The following TTC3 variants were observed in gnomAD, a reference collection of about 807,000 sequenced individuals.
TTC3 encodes tetratricopeptide repeat domain 3, also known as E3 ubiquitin-protein ligase TTC3.
In TTC3, 180 loss-of-function variants were observed where a neutral mutation model predicts 249.6. That is an observed-to-expected ratio of 0.72 (90% CI 0.64 to 0.82). The LOEUF (loss-of-function observed/expected upper bound fraction) is 0.82, where lower values mean the gene tolerates loss of function less well. Ranked by LOEUF, TTC3 falls within the 40% of genes least tolerant of loss-of-function variation. The pLI, the probability that TTC3 is intolerant of heterozygous loss-of-function variation, is 0.00. For missense variants in TTC3, 2,061 were observed against 2,398.4 expected, an observed-to-expected ratio of 0.86 and a Z score of 2.94; for synonymous variants, 717 against 805.0, an observed-to-expected ratio of 0.89 and a Z score of 1.85.
chr21:37,134,802 C>T (rs922045980), intron 17 of TTC3, among the ~76,000 whole-genome samples: 5 of 152,124 alleles, frequency 3.3e-5, no homozygotes, highest in African/African-American at 1.2e-4. Context: ...ATTTTTTATT[C>T]CTTATGTTAT....
At chr21:37,182,194 G>A (rs951420322) in intron 35 of TTC3, among the ~76,000 whole-genome samples, 1 of 152,176 alleles carries the variant, frequency 6.6e-6, no homozygotes, top group Non-Finnish European at 1.5e-5. Context: ...AACCTTTAGA[G>A]AATGTGTAGA....
chr21:37,202,145 A>T (rs554015215), exon 46 of TTC3: 7 of 152,164 alleles, frequency 4.6e-5, no homozygotes, highest in Non-Finnish European at 1.0e-4. Context: ...AAAAGATTCA[A>T]ATCTCCTCTT....
At chr21:37,189,928 A>G (rs994119195) in intron 39 of TTC3, among the ~76,000 whole-genome samples, 4 of 151,666 alleles carry the variant, frequency 2.6e-5, no homozygotes, top group Non-Finnish European at 2.9e-5. Flanking sequence ...GATCTTCTTC[A>G]CCCTAGTACT....
At chr21:37,091,995 A>C (rs547532447) in intron 7 of TTC3, among the ~76,000 whole-genome samples, 1 of 152,336 alleles carries the variant, frequency 6.6e-6, no homozygotes, top group Admixed American at 6.5e-5. Flanking sequence ...GTTATATGTA[A>C]TACTCAAAGA....
At chr21:37,128,399 C>T (rs1307074405) in intron 15 of TTC3, among the ~76,000 whole-genome samples, 1 of 152,204 alleles carries the variant, frequency 6.6e-6, no homozygotes, top group Admixed American at 6.5e-5. Context: ...GCCTTAGCAG[C>T]CCTTTTCCAG....
intron 35 of TTC3, among the ~76,000 whole-genome samples, chr21:37,173,057 T>C (rs1238105380): frequency 2.0e-5 from 3 of 152,128 alleles, no homozygotes; most frequent in Admixed American, 6.5e-5. Flanking sequence ...CTTGTTTATA[T>C]TGAGAGGCAG....
chr21:37,121,843 T>C (rs1044591022), exon 12 of TTC3: 2 of 1,606,774 alleles, frequency 1.2e-6, no homozygotes, highest in African/African-American at 2.7e-5. Flanking sequence ...GTGATGCTCT[T>C]TCTATGCTGG....
At chr21:37,117,835 CAAA>C (rs60664616) in intron 11 of TTC3, among the ~76,000 whole-genome samples, 6 of 73,442 alleles carry the variant, frequency 8.2e-5, no homozygotes, top group Admixed American at 1.4e-4. Context: ...TGCGCCACTT[CAAA>C]AAAAAAAAAA....
rs752310511 is a variant in TTC3, at chr21:37,164,177, G to A, written c.3297G>A (p.Trp1099Ter). 9 of 1,610,836 alleles carry A rather than the reference G, an allele frequency of 5.6e-6. No homozygotes were observed. Among genetic ancestry groups the A allele is most frequent in the Non-Finnish European group, 7.6e-6 (9 of 1,178,892 alleles). The change falls in exon 32 of 46, where the codon TGG becomes TGA. Residue 1099 changes from tryptophan to a stop codon, truncating the protein, a stop_gained. Transcript: ENST00000355666. LOFTEE classifies it high-confidence loss of function. ...ATGTTGTCCGCAATAAGAAGCTATG[G>A]GACATGAACCCAAAACAAAAATGTT...
intron 33 of TTC3, 137 bp from the exon 34 acceptor site, chr21:37,167,418 A>G: frequency 1.8e-6 from 1 of 558,970 alleles, no homozygotes; most frequent in Non-Finnish European, 3.1e-6. Flanking sequence ...ATGTTTACGG[A>G]AAGCATGGAA....
At chr21:37,105,160 A>G (rs1010913019) in intron 10 of TTC3, among the ~76,000 whole-genome samples, 1 of 152,218 alleles carries the variant, frequency 6.6e-6, no homozygotes, top group African/African-American at 2.4e-5. Context: ...CATGGACATC[A>G]TTCACTAACC....
rs146869256 is a variant in TTC3, at chr21:37,090,162, A to G, written c.427-71A>G. The stretch of plus-strand genomic sequence containing the variant: ...TAGTAGTGTTCCTAAAATGTAGGCC[A>G]TTTTTCCGTTAGAAAATTCAAGTAG... On this transcript the variant is annotated intron_variant, in intron 5 of 45. Coordinates refer to ENST00000355666, the Ensembl canonical transcript of TTC3. 8.0e-5 allele frequency: 98 copies of G among 1,228,820 alleles called. No individual in the cohort carries two copies. In the African/African-American group the frequency reaches 1.3e-3, roughly 17 times the overall value. 76.1% of individuals were successfully genotyped at this position (1,228,820 alleles called of 1,614,324 possible). A position where few individuals can be genotyped will look rare whatever the true frequency, so the allele number is the denominator to read the frequency against.
Position 37,121,558 on chromosome 21 carries a change from G to A in TTC3, c.901-259G>A, listed in dbSNP as rs770741458. 2.6e-4 allele frequency among the ~76,000 whole-genome samples: 39 copies of A among 152,240 alleles called. 2 individuals carry two copies. In the Middle Eastern group the frequency reaches 0.02, roughly 80 times the overall value. On this transcript the variant is annotated intron_variant, in intron 11 of 45. Transcript: ENST00000355666. ...AATATAACAAAAGTTGAACTCTGCT[G>A]GGGGTACAGAAATTTCTTAAGCAAA...
At position 37,192,229 on chromosome 21, in the gene TTC3, C is replaced by A; in HGVS notation, c.5217+16C>A. Reference sequence around the variant, plus strand: ...CTGTAACACGGTAAGTCTAGCACATCTTTTTTTTTTTTTTAAACCATAATT... The same window carrying A: ...CTGTAACACGGTAAGTCTAGCACATATTTTTTTTTTTTTTAAACCATAATT... On this transcript the variant is annotated intron_variant, in intron 41 of 45. Transcript: ENST00000355666. 10 of 1,219,538 alleles carry A rather than the reference C, an allele frequency of 8.2e-6. No homozygotes were observed. Among genetic ancestry groups the A allele is most frequent in the South Asian group, 1.6e-5 (1 of 63,330 alleles). The allele number at this position is 1,219,538 out of a possible 1,614,324, so 75.5% of individuals were successfully genotyped here. A position where few individuals can be genotyped will look rare whatever the true frequency, so the allele number is the denominator to read the frequency against.
exon 42 of TTC3, chr21:37,195,822 G>T: frequency 6.2e-7 from 1 of 1,614,236 alleles, no homozygotes; most frequent in Non-Finnish European, 8.5e-7. Flanking sequence ...GGCTCCTTCT[G>T]CGCTGTTGCC....
chr21:37,187,822 AAG>A (rs2083471812), intron 38 of TTC3: 1 of 152,234 alleles, frequency 6.6e-6, no homozygotes, highest in Non-Finnish European at 1.5e-5. Flanking sequence ...GGAAAGGAAA[AAG>A]AGCCAAAGTA....
chr21:37,165,662 G>A, exon 33 of TTC3: 1 of 1,614,028 alleles, frequency 6.2e-7, no homozygotes. Flanking sequence ...AGAAAAAGCA[G>A]GAGGTTTAAA....
In TTC3 at chr21:37,165,776, A is replaced by T; in HGVS notation, c.3562A>T (p.Lys1188Ter). 1 of 1,613,856 alleles carries T rather than the reference A, an allele frequency of 6.2e-7. No homozygotes were observed. The highest frequency in any genetic ancestry group is 2.2e-5 in the East Asian group (1 of 44,892). ...GAAAAAAAGGAAGAAGAAAAACATT[A>T]AAACAAAAGTAGAAGAAATTTCAAA... The change falls in exon 33 of 46, where the codon AAA becomes TAA. Residue 1188 changes from lysine (K) to a stop codon, truncating the protein, a stop_gained. Coordinates refer to ENST00000355666, the Ensembl canonical transcript of TTC3. LOFTEE classifies it high-confidence loss of function.
intron 20 of TTC3, among the ~76,000 whole-genome samples, chr21:37,141,819 T>C (rs1337444971): frequency 6.6e-6 from 1 of 151,988 alleles, no homozygotes; most frequent in Non-Finnish European, 1.5e-5. Flanking sequence ...TTTTAGACAA[T>C]ATCCCTGATG....
Sources: gnomAD v4.1 joint callset for allele counts (sites outside exome capture counted in the v4.1 genomes callset) on GRCh38, gnomAD v4.1.1 for gene constraint, MANE v1.5 for transcripts, NCBI Gene and HGNC (gene_info 2026-07-23, HGNC 2026-07-21) for gene names.